Variants in RAB3C observed in about 807,000 individuals in gnomAD.
RAB3C encodes the protein ras-related protein Rab-3C.
Under a neutral mutation model 26.4 loss-of-function variants are expected in RAB3C, and 17 were observed. The ratio of observed to expected loss-of-function variants is 0.64; its 90% CI spans 0.44 to 0.97. RAB3C has a LOEUF of 0.97. RAB3C is among the 50% of genes least tolerant of loss of function. The probability of loss-of-function intolerance (pLI) is 0.00; values close to 1 mark genes in which losing one functional copy is unlikely to be tolerated. For missense variants in RAB3C, 242 were observed against 281.9 expected (o/e 0.86, Z 1.01); for synonymous variants, 91 against 95.9 (o/e 0.95, Z 0.30).
chr5:58,833,898 C>A (rs1329911229), intron 4 of RAB3C, among the ~76,000 whole-genome samples: 2 of 152,164 alleles, frequency 1.3e-5, no homozygotes, highest in African/African-American at 4.8e-5. Flanking sequence ...AATTTGGAGG[C>A]TCTTTAGGAA....
rs1431140282 is a variant in RAB3C at position 58,857,428 on chromosome 5, A to G, written c.*6077A>G. ...AAAGCATCTCCTTCTATAACTCAAA[A>G]TTTTCTTTAAGTGTCATATAAAAGT... On this transcript the variant is annotated 3_prime_UTR_variant, in exon 5 of 5. Coordinates refer to ENST00000282878, the MANE Select transcript of RAB3C (RefSeq NM_138453.4). 6.6e-6 allele frequency: 1 copy of G among 152,110 alleles called. No homozygotes were observed. The highest frequency in any genetic ancestry group is 1.5e-5 in the Non-Finnish European group (1 of 67,998). 9.4% of individuals were successfully genotyped at this position (152,110 alleles called of 1,614,324 possible).
chr5:58,780,519 T>G (rs138948639), intron 3 of RAB3C, among the ~76,000 whole-genome samples: 8 of 152,274 alleles, frequency 5.3e-5, no homozygotes, highest in Admixed American at 5.2e-4. Flanking sequence ...TTACATGCAG[T>G]CTTTGTCCCC....
intron 2 of RAB3C, among the ~76,000 whole-genome samples, chr5:58,645,454 A>G (rs1367368134): frequency 6.6e-6 from 1 of 152,240 alleles, no homozygotes; most frequent in Non-Finnish European, 1.5e-5. Flanking sequence ...TTACTCTTTG[A>G]GTAAGATAAT....
At chr5:58,740,477 T>C (rs964470441) in intron 3 of RAB3C, among the ~76,000 whole-genome samples, 2 of 152,198 alleles carry the variant, frequency 1.3e-5, no homozygotes, top group African/African-American at 4.8e-5. Context: ...TATCCAGTTA[T>C]TTATATAACT....
intron 2 of RAB3C, among the ~76,000 whole-genome samples, chr5:58,719,269 A>G (rs1162256059): frequency 6.6e-6 from 1 of 152,090 alleles, no homozygotes; most frequent in Non-Finnish European, 1.5e-5. Flanking sequence ...GTAACAAGAT[A>G]TATCAAACCA....
intron 2 of RAB3C, among the ~76,000 whole-genome samples, chr5:58,626,828 T>G (rs941467351): frequency 6.6e-6 from 1 of 152,150 alleles, no homozygotes; most frequent in Non-Finnish European, 1.5e-5. Context: ...GTAGTACTTT[T>G]TTTGGTAAAT....
chr5:58,694,934 A>T (rs537732777), intron 2 of RAB3C, among the ~76,000 whole-genome samples: 25 of 152,204 alleles, frequency 1.6e-4, no homozygotes, highest in African/African-American at 5.3e-4. Flanking sequence ...CTTTAGTTTA[A>T]TTAGATCCCA....
chr5:58,652,016 T>C (rs1437561505), intron 2 of RAB3C, among the ~76,000 whole-genome samples: 2 of 152,144 alleles, frequency 1.3e-5, no homozygotes, highest in African/African-American at 2.4e-5. Flanking sequence ...TTGTCCTGAA[T>C]ATTTTCCATA....
At chr5:58,817,395 A>G (rs1007913214) in intron 3 of RAB3C, among the ~76,000 whole-genome samples, 1 of 152,108 alleles carries the variant, frequency 6.6e-6, no homozygotes, top group African/African-American at 2.4e-5. Context: ...TTAATGTGTT[A>G]TTTATAAATG....
chr5:58,803,284 A>G, intron 3 of RAB3C, among the ~76,000 whole-genome samples: 1 of 152,236 alleles, frequency 6.6e-6, no homozygotes, highest in East Asian at 1.9e-4. Flanking sequence ...AAAGCTGTTA[A>G]TGAAGTGAGA....
At chr5:58,585,217 C>T (rs1165435183) in intron 1 of RAB3C, among the ~76,000 whole-genome samples, 2 of 151,772 alleles carry the variant, frequency 1.3e-5, no homozygotes, top group South Asian at 2.1e-4. Context: ...GTTATGGTGA[C>T]CCCATCTCCA....
chr5:58,813,054 T>C (rs768283850), intron 3 of RAB3C, among the ~76,000 whole-genome samples: 5 of 152,202 alleles, frequency 3.3e-5, no homozygotes, highest in African/African-American at 4.8e-5. Flanking sequence ...AGTTCTGTTA[T>C]ATGTTATCGG....
chr5:58,641,398 T>C (rs532799838), intron 2 of RAB3C, among the ~76,000 whole-genome samples: 1 of 152,348 alleles, frequency 6.6e-6, no homozygotes, highest in Non-Finnish European at 1.5e-5. Context: ...GTGGTAACAA[T>C]TTATTTTCAT....
chr5:58,812,103 T>C (rs917524699), intron 3 of RAB3C, among the ~76,000 whole-genome samples: 5 of 152,168 alleles, frequency 3.3e-5, no homozygotes, highest in African/African-American at 7.2e-5. Flanking sequence ...TTCATCTTTC[T>C]TTTGTGGCAA....
At chr5:58,752,303 C>G (rs2111963587) in intron 3 of RAB3C, among the ~76,000 whole-genome samples, 1 of 152,052 alleles carries the variant, frequency 6.6e-6, no homozygotes, top group South Asian at 2.1e-4. Context: ...TGGAAAAGAC[C>G]AAGCTATCAG....
chr5:58,663,105 T>C (rs1475249497), intron 2 of RAB3C, among the ~76,000 whole-genome samples: 1 of 150,348 alleles, frequency 6.7e-6, no homozygotes, highest in East Asian at 1.9e-4. Flanking sequence ...CATTTCATTG[T>C]ATTTAATTAA....
At chr5:58,607,956 C>T (rs978703445) in intron 1 of RAB3C, among the ~76,000 whole-genome samples, 2 of 152,182 alleles carry the variant, frequency 1.3e-5, no homozygotes, top group Non-Finnish European at 2.9e-5. Context: ...AGGAAACAAC[C>T]GGTACCAGCC....
chr5:58,593,774 A>C (rs1034290944), intron 1 of RAB3C, among the ~76,000 whole-genome samples: 25 of 152,176 alleles, frequency 1.6e-4, no homozygotes, highest in African/African-American at 5.8e-4. Context: ...GTATTTTTGC[A>C]TTCACTAAAC....
intron 2 of RAB3C, among the ~76,000 whole-genome samples, chr5:58,691,944 G>A (rs1232658795): frequency 6.6e-6 from 1 of 152,084 alleles, no homozygotes; most frequent in East Asian, 1.9e-4. Context: ...AAGATTCATG[G>A]ACCCAAGCAT....
Sources: gnomAD v4.1 joint callset for allele counts (sites outside exome capture counted in the v4.1 genomes callset) on GRCh38, gnomAD v4.1.1 for gene constraint, MANE v1.5 for transcripts, NCBI Gene and HGNC (gene_info 2026-07-23, HGNC 2026-07-21) for gene names.